The following PTPRM variants were observed in gnomAD, a reference collection of about 807,000 sequenced individuals.
The protein encoded by PTPRM is protein tyrosine phosphatase receptor type M.
Under a neutral mutation model 186.7 loss-of-function variants are expected in PTPRM, and 47 were observed. The ratio of observed to expected loss-of-function variants is 0.25; its 90% CI spans 0.20 to 0.32. The LOEUF (loss-of-function observed/expected upper bound fraction) is 0.32, where lower values mean the gene tolerates loss of function less well. Among genes scored for constraint, PTPRM ranks in the 10% least tolerant of loss-of-function variants. The probability of loss-of-function intolerance (pLI) is 1.00; values close to 1 mark genes in which losing one functional copy is unlikely to be tolerated. For synonymous variants in PTPRM, 668 were observed against 674.9 expected, an observed-to-expected ratio of 0.99 and a Z score of 0.16; for missense variants, 1,494 against 1,865.0, an observed-to-expected ratio of 0.80 and a Z score of 3.66.
intron 2 of PTPRM, among the ~76,000 whole-genome samples, chr18:7,793,166 T>G (rs548767875): frequency 6.6e-6 from 1 of 152,264 alleles, no homozygotes; most frequent in South Asian, 2.1e-4. Flanking sequence ...TGTTAGGGTG[T>G]GGTTTCTAGT....
chr18:7,646,219 G>A (rs974731332), intron 1 of PTPRM, among the ~76,000 whole-genome samples: 2 of 152,154 alleles, frequency 1.3e-5, no homozygotes, highest in Non-Finnish European at 2.9e-5. Flanking sequence ...CAGATAAGGG[G>A]TGCAGGTGGG....
chr18:7,633,315 G>A (rs139907828), intron 1 of PTPRM, among the ~76,000 whole-genome samples: 86 of 152,276 alleles, frequency 5.6e-4, no homozygotes, highest in African/African-American at 1.9e-3. Context: ...CATGTATTCT[G>A]TGGTCGTGTT....
chr18:8,382,587 A>G (rs1269007342), intron 29 of PTPRM, among the ~76,000 whole-genome samples: 2 of 152,260 alleles, frequency 1.3e-5, no homozygotes, highest in African/African-American at 2.4e-5. Context: ...TCACGGAAGC[A>G]TTATTTAAAA....
At chr18:8,399,111 C>T (rs1449088973) in intron 32 of PTPRM, among the ~76,000 whole-genome samples, 2 of 152,160 alleles carry the variant, frequency 1.3e-5, no homozygotes, top group Admixed American at 6.5e-5. Flanking sequence ...TAAAATAGAA[C>T]GAGTGCTCCA....
chr18:7,584,505 A>G (rs1322615512), intron 1 of PTPRM, among the ~76,000 whole-genome samples: 1 of 152,190 alleles, frequency 6.6e-6, no homozygotes, highest in Non-Finnish European at 1.5e-5. Flanking sequence ...TGATACTCTA[A>G]TAATACTTTT....
intron 2 of PTPRM, among the ~76,000 whole-genome samples, chr18:7,846,486 T>A (rs1353016034): frequency 1.3e-5 from 2 of 152,344 alleles, no homozygotes; most frequent in African/African-American, 4.8e-5. Flanking sequence ...TGGCAACTGG[T>A]GTCCTATGCT....
At chr18:7,647,596 C>G (rs113893514) in intron 1 of PTPRM, among the ~76,000 whole-genome samples, 99 of 152,350 alleles carry the variant, frequency 6.5e-4, no homozygotes, top group African/African-American at 2.3e-3. Context: ...CAGAACTGCT[C>G]TACATTTGTA....
chr18:8,369,900 C>T (rs954697915), intron 23 of PTPRM, among the ~76,000 whole-genome samples: 1 of 152,030 alleles, frequency 6.6e-6, no homozygotes, highest in Admixed American at 6.5e-5. Context: ...TAGTGGGCTG[C>T]GATCACGCCA....
chr18:8,161,706 C>T (rs2093232528), intron 14 of PTPRM, among the ~76,000 whole-genome samples: 1 of 152,158 alleles, frequency 6.6e-6, no homozygotes, highest in Non-Finnish European at 1.5e-5. Context: ...TCTCTGGCTA[C>T]ACATGTTGTC....
At chr18:7,679,117 A>C (rs141477914) in intron 1 of PTPRM, among the ~76,000 whole-genome samples, 1 of 152,160 alleles carries the variant, frequency 6.6e-6, no homozygotes, top group Admixed American at 6.5e-5. Context: ...TTGGCTGTAC[A>C]TTTTTGAGCC....
rs140387758 is a variant in PTPRM at position 8,161,359 on chromosome 18, C to T, written c.2300+17580C>T. Reference sequence around the variant, plus strand: ...GACTCTGAGTTCAGATCCTAAAGGTCATAGAAGGGTTAAAATCATAACTGC... The same window carrying T: ...GACTCTGAGTTCAGATCCTAAAGGTTATAGAAGGGTTAAAATCATAACTGC... On this transcript the variant is annotated intron_variant, in intron 14 of 32. Transcript: ENST00000580170. 5.9e-3 allele frequency among the ~76,000 whole-genome samples: 904 copies of T among 152,088 alleles called. 4 individuals are homozygous for T. Among genetic ancestry groups the T allele is most frequent in the African/African-American group, 0.02 (847 of 41,476 alleles).
chr18:8,008,652 T>G (rs748589184), intron 7 of PTPRM, among the ~76,000 whole-genome samples: 7 of 152,166 alleles, frequency 4.6e-5, no homozygotes, highest in East Asian at 1.9e-4. Context: ...TAGCTTTGGA[T>G]GTGAATGTTA....
chr18:8,374,434 A>AT (rs1203955828), intron 24 of PTPRM, among the ~76,000 whole-genome samples: 1 of 152,196 alleles, frequency 6.6e-6, no homozygotes, highest in Non-Finnish European at 1.5e-5. Flanking sequence ...ATGGGAATGC[A>AT]TACCACCAAA....
intron 22 of PTPRM, among the ~76,000 whole-genome samples, chr18:8,321,032 A>G (rs1361280123): frequency 6.6e-6 from 1 of 152,192 alleles, no homozygotes; most frequent in South Asian, 2.1e-4. Context: ...TGCTGCTTCC[A>G]AACGGAATTC....
chr18:7,879,892 C>G (rs2048418075), intron 2 of PTPRM, among the ~76,000 whole-genome samples: 1 of 152,116 alleles, frequency 6.6e-6, no homozygotes, highest in African/African-American at 2.4e-5. Flanking sequence ...ACACCTGAGG[C>G]TCGGTATTTA....
intron 7 of PTPRM, among the ~76,000 whole-genome samples, chr18:8,006,789 G>A (rs1223502357): frequency 2.0e-5 from 3 of 152,196 alleles, no homozygotes; most frequent in Non-Finnish European, 4.4e-5. Context: ...GTTTGCAAAA[G>A]ATGCACAGGC....
intron 1 of PTPRM, among the ~76,000 whole-genome samples, chr18:7,714,703 GA>G (rs1431260633): frequency 6.6e-6 from 1 of 152,146 alleles, no homozygotes; most frequent in African/African-American, 2.4e-5. Flanking sequence ...TGATCCCACA[GA>G]AATACAAACT....
intron 2 of PTPRM, among the ~76,000 whole-genome samples, chr18:7,795,702 T>G (rs2145268207): frequency 6.6e-6 from 1 of 152,286 alleles, no homozygotes; most frequent in Admixed American, 6.5e-5. Context: ...CTCTTTGAGG[T>G]ATTTTTGAAT....
intron 2 of PTPRM, among the ~76,000 whole-genome samples, chr18:7,836,384 G>T (rs2889679): frequency 6.6e-6 from 1 of 152,202 alleles, no homozygotes; most frequent in African/African-American, 2.4e-5. Context: ...ATAATGCTCT[G>T]TGCCTCTTTA....
Sources: gnomAD v4.1 joint callset for allele counts (sites outside exome capture counted in the v4.1 genomes callset) on GRCh38, gnomAD v4.1.1 for gene constraint, MANE v1.5 for transcripts, NCBI Gene and HGNC (gene_info 2026-07-23, HGNC 2026-07-21) for gene names.